PRKCB: variants seen among roughly 807,000 people sequenced by gnomAD.
PRKCB encodes protein kinase C beta type.
PRKCB carries 13 observed loss-of-function variants against 81.5 expected under a neutral mutation model. The observed-to-expected ratio is 0.16, with a 90% CI of 0.10 to 0.25. PRKCB has a LOEUF of 0.25. Among genes scored for constraint, PRKCB ranks in the 10% least tolerant of loss-of-function variants. PRKCB has a pLI of 1.00. For synonymous variants in PRKCB, 335 were observed against 321.4 expected (o/e 1.04, Z -0.45); for missense variants, 509 against 875.7 (o/e 0.58, Z 5.29).
Position 24,154,750 on chromosome 16 carries a change from G to A in PRKCB, c.1132G>A (p.Val378Met), listed in dbSNP as rs1382022679. Residue 378 changes from valine (V) to methionine (M), a missense_variant, in exon 10 of 17, where the codon GTG (valine) becomes ATG (methionine). This residue lies in a region of PRKCB where 106 missense variants were observed against 214.0 expected (regional missense o/e 0.50). Transcript: ENST00000643927. ...TGTGAAGATCCTGAAGAAGGACGTT[G>A]TGATCCAAGATGATGACGTGGAGTG... Reference protein sequence around the residue: ...YAVKILKKDVVIQDDDVECTM... With the variant: ...YAVKILKKDVMIQDDDVECTM... 1.9e-6 allele frequency: 3 copies of A among 1,614,212 alleles called. No homozygotes were observed. Among genetic ancestry groups the A allele is most frequent in the Non-Finnish European group, 2.5e-6 (3 of 1,180,024 alleles).
At chr16:24,171,555 G>A (rs149952021) in intron 10 of PRKCB, among the ~76,000 whole-genome samples, 5 of 152,058 alleles carry the variant, frequency 3.3e-5, no homozygotes, top group South Asian at 2.1e-4. Flanking sequence ...CACTGTGGGT[G>A]GGGGGAGCAT....
chr16:24,197,144 C>A (rs1054710998), intron 16 of PRKCB, among the ~76,000 whole-genome samples: 1 of 152,066 alleles, frequency 6.6e-6, no homozygotes, highest in Admixed American at 6.6e-5. Flanking sequence ...AACATCCCTG[C>A]CTTCATGGAG....
chr16:24,005,226 GA>G (rs11333770), intron 3 of PRKCB, among the ~76,000 whole-genome samples: 87,390 of 147,890 alleles, frequency 0.59, 25,597 homozygotes, highest in South Asian at 0.77. Flanking sequence ...ATTGCTAAAT[GA>G]AAAAAAAAAA....
At chr16:23,938,770 T>C (rs929751198) in intron 2 of PRKCB, among the ~76,000 whole-genome samples, 2 of 152,222 alleles carry the variant, frequency 1.3e-5, no homozygotes, top group Non-Finnish European at 2.9e-5. Context: ...TAACAAAGGT[T>C]ATAAAAAATC....
intron 3 of PRKCB, among the ~76,000 whole-genome samples, chr16:24,003,745 C>T (rs1490754): frequency 0.69 from 104,276 of 152,000 alleles, 36,988 homozygotes; most frequent in African/African-American, 0.87. Flanking sequence ...TTCTCTATCA[C>T]TGGGAGAACG....
chr16:24,013,391 G>C (rs1965231393), intron 3 of PRKCB, among the ~76,000 whole-genome samples: 1 of 152,192 alleles, frequency 6.6e-6, no homozygotes. Flanking sequence ...AAAGAACCCA[G>C]ATTCTGGATA....
intron 5 of PRKCB, among the ~76,000 whole-genome samples, chr16:24,055,945 AC>A (rs1555493684): frequency 6.6e-6 from 1 of 152,122 alleles, no homozygotes; most frequent in Non-Finnish European, 1.5e-5. Flanking sequence ...GTCTCCATTG[AC>A]AAAAGGGGAA....
chr16:24,067,552 G>C (rs951824918), intron 5 of PRKCB, among the ~76,000 whole-genome samples: 1 of 152,148 alleles, frequency 6.6e-6, no homozygotes, highest in East Asian at 1.9e-4. Flanking sequence ...GCCCATGTTT[G>C]CCTGTCAAAG....
At chr16:24,086,918 A>G (rs1400152671) in intron 5 of PRKCB, among the ~76,000 whole-genome samples, 2 of 152,160 alleles carry the variant, frequency 1.3e-5, no homozygotes, top group South Asian at 2.1e-4. Context: ...TTATTCTGAC[A>G]TAATCTCAAA....
chr16:24,035,220 C>T (rs1302921887), intron 4 of PRKCB, among the ~76,000 whole-genome samples, 199 bp from the exon 5 acceptor site: 2 of 152,170 alleles, frequency 1.3e-5, no homozygotes, highest in Admixed American at 6.5e-5. Flanking sequence ...CTCCTTTGCC[C>T]ATCAGGGTTC....
chr16:23,955,230 GCACA>G (rs10543098), intron 2 of PRKCB, among the ~76,000 whole-genome samples: 56 of 148,918 alleles, frequency 3.8e-4, no homozygotes, highest in East Asian at 1.2e-3. Context: ...ACACACACAT[GCACA>G]CACACACACA....
chr16:24,182,477 T>C (rs556186851), intron 13 of PRKCB, among the ~76,000 whole-genome samples: 5 of 152,112 alleles, frequency 3.3e-5, no homozygotes, highest in African/African-American at 4.8e-5. Flanking sequence ...GCAGTGATCA[T>C]GCCACTGCAC....
intron 9 of PRKCB, among the ~76,000 whole-genome samples, chr16:24,139,597 G>C (rs1298872787): frequency 2.0e-5 from 3 of 152,164 alleles, no homozygotes. Flanking sequence ...ACACTTTCAT[G>C]GCTTTCTCAG....
intron 5 of PRKCB, among the ~76,000 whole-genome samples, chr16:24,077,305 A>G (rs1025648918): frequency 2.8e-4 from 43 of 151,994 alleles, no homozygotes; most frequent in African/African-American, 9.4e-4. Flanking sequence ...AGAAAATGGA[A>G]AGGATGCCAG....
chr16:23,892,259 G>A (rs1216067745), intron 2 of PRKCB, among the ~76,000 whole-genome samples: 1 of 152,094 alleles, frequency 6.6e-6, no homozygotes, highest in Non-Finnish European at 1.5e-5. Context: ...GTCTCAATTA[G>A]AATGTTATGA....
intron 2 of PRKCB, among the ~76,000 whole-genome samples, chr16:23,840,075 T>C (rs1300257908): frequency 6.6e-6 from 1 of 152,180 alleles, no homozygotes; most frequent in Non-Finnish European, 1.5e-5. Context: ...TGGCAGTCCC[T>C]GAAATTGAGA....
At chr16:23,897,411 TA>T (rs550074640) in intron 2 of PRKCB, among the ~76,000 whole-genome samples, 148 of 152,316 alleles carry the variant, frequency 9.7e-4, no homozygotes, top group Non-Finnish European at 1.2e-3. Context: ...GTGAAAAAAT[TA>T]TTTTTTTTGC....
intron 2 of PRKCB, among the ~76,000 whole-genome samples, chr16:23,842,567 T>C (rs972395875): frequency 1.3e-5 from 2 of 152,334 alleles, no homozygotes; most frequent in Non-Finnish European, 2.9e-5. Flanking sequence ...CTGGTTAGCA[T>C]TGTCTTTTCT....
At chr16:23,980,709 A>G (rs1321206052) in intron 2 of PRKCB, among the ~76,000 whole-genome samples, 2 of 152,046 alleles carry the variant, frequency 1.3e-5, no homozygotes, top group Non-Finnish European at 2.9e-5. Flanking sequence ...ACATGGATTT[A>G]AGGGTAAAGG....
Sources: gnomAD v4.1 joint callset for allele counts (sites outside exome capture counted in the v4.1 genomes callset) on GRCh38, gnomAD v4.1.1 for gene constraint, gnomAD v4.1.1 regional missense constraint, MANE v1.5 for transcripts, NCBI Gene and HGNC (gene_info 2026-07-23, HGNC 2026-07-21) for gene names.